NUCB2: variants seen among roughly 807,000 people sequenced by gnomAD.
The protein encoded by NUCB2 is nucleobindin-2.
Under a neutral mutation model 57.9 loss-of-function variants are expected in NUCB2, and 48 were observed. The observed-to-expected ratio is 0.83, with a 90% CI of 0.66 to 1.05. The LOEUF is 1.05. NUCB2 is among the 50% of genes least tolerant of loss of function. NUCB2 has a pLI of 0.00. For synonymous variants in NUCB2, 139 were observed against 152.1 expected (o/e 0.91, Z 0.64); for missense variants, 442 against 476.2 (o/e 0.93, Z 0.67).
downstream of NUCB2, chr11:17,332,436 C>A (rs957265868): frequency 6.6e-5 from 10 of 151,164 alleles, no homozygotes; most frequent in African/African-American, 2.4e-4. Flanking sequence ...GTTTGGTAGG[C>A]AACTTTGGAT....
intron 5 of NUCB2, among the ~76,000 whole-genome samples, chr11:17,306,911 CAA>C (rs200996662): frequency 2.4e-4 from 19 of 79,932 alleles, no homozygotes; most frequent in Admixed American, 3.0e-4. Flanking sequence ...GACTCCGTCT[CAA>C]AAAAAAAAAA....
At chr11:17,312,495 C>T (rs2138966540) in intron 10 of NUCB2, among the ~76,000 whole-genome samples, 1 of 152,026 alleles carries the variant, frequency 6.6e-6, no homozygotes, top group South Asian at 2.1e-4. Flanking sequence ...CCTCCGCCTC[C>T]CAGATTCAAG....
intron 11 of NUCB2, among the ~76,000 whole-genome samples, chr11:17,324,634 A>G (rs913044319): frequency 6.6e-6 from 1 of 151,898 alleles, no homozygotes; most frequent in African/African-American, 2.4e-5. Context: ...GGGTTTCACC[A>G]TGTTGGCCAG....
chr11:17,329,852 C>T (rs565695233), intron 11 of NUCB2, among the ~76,000 whole-genome samples: 14 of 152,176 alleles, frequency 9.2e-5, no homozygotes, highest in Non-Finnish European at 1.8e-4. Context: ...TTTTATTTCT[C>T]TTCCCACGTT....
intron 1 of NUCB2, among the ~76,000 whole-genome samples, chr11:17,278,964 G>A (rs921549374): frequency 3.9e-5 from 6 of 152,076 alleles, no homozygotes; most frequent in African/African-American, 7.2e-5. Flanking sequence ...AGGCTGAGGC[G>A]GGTGGATCAC....
intron 2 of NUCB2, among the ~76,000 whole-genome samples, chr11:17,284,805 A>G: frequency 6.6e-6 from 1 of 152,162 alleles, no homozygotes; most frequent in East Asian, 1.9e-4. Context: ...ATTAACAGAA[A>G]AGTATCATGC....
intron 13 of NUCB2, 44 bp from the exon 14 acceptor site, chr11:17,331,368 G>T: frequency 8.4e-7 from 1 of 1,187,070 alleles, no homozygotes; most frequent in Non-Finnish European, 1.2e-6. Flanking sequence ...TTAGAATAAA[G>T]GAAGATACTT....
chr11:17,326,507 C>T (rs1950707082), intron 11 of NUCB2, among the ~76,000 whole-genome samples: 2 of 150,536 alleles, frequency 1.3e-5, no homozygotes, highest in African/African-American at 4.9e-5. Flanking sequence ...TTAATAGAGA[C>T]AGGGTTTCTC....
intron 2 of NUCB2, among the ~76,000 whole-genome samples, chr11:17,288,180 G>C (rs1944114592): frequency 6.6e-6 from 1 of 152,168 alleles, no homozygotes; most frequent in Non-Finnish European, 1.5e-5. Context: ...ATTTCTTTAT[G>C]TGTGCATAAA....
downstream of NUCB2, among the ~76,000 whole-genome samples, chr11:17,336,687 G>A (rs1951829139): frequency 6.8e-6 from 1 of 146,342 alleles, no homozygotes. Context: ...CCGGGAGGCG[G>A]AGCTTGCAGT....
chr11:17,347,794 A>G (rs927944469), intron 2 of NUCB2, among the ~76,000 whole-genome samples: 3 of 152,234 alleles, frequency 2.0e-5, no homozygotes, highest in South Asian at 2.1e-4. Flanking sequence ...TTGAGAGTAC[A>G]GGTCATTTGT....
At chr11:17,322,818 G>A (rs1950192990) in intron 11 of NUCB2, among the ~76,000 whole-genome samples, 1 of 151,836 alleles carries the variant, frequency 6.6e-6, no homozygotes, top group African/African-American at 2.4e-5. Flanking sequence ...TAATTCCTAG[G>A]TATTTAATTT....
At chr11:17,337,021 G>T (rs1276919815), downstream of NUCB2, among the ~76,000 whole-genome samples, 4 of 151,590 alleles carry the variant, frequency 2.6e-5, no homozygotes, top group African/African-American at 7.3e-5. Context: ...ACTCACTATA[G>T]TCTCGAACTT....
chr11:17,298,537 T>A (rs1334646979), intron 4 of NUCB2, among the ~76,000 whole-genome samples: 3 of 151,688 alleles, frequency 2.0e-5, no homozygotes, highest in African/African-American at 7.3e-5. Context: ...GACTGTACTC[T>A]AGCCCGCATG....
intron 2 of NUCB2, among the ~76,000 whole-genome samples, chr11:17,348,544 T>G (rs1045649353): frequency 1.3e-5 from 2 of 151,970 alleles, no homozygotes; most frequent in African/African-American, 2.4e-5. Flanking sequence ...CTCACTATGT[T>G]GCCTAAGCTG....
At chr11:17,310,799 A>G (rs760259448) in intron 6 of NUCB2, 26 bp from the exon 7 acceptor site, 9 of 1,528,468 alleles carry the variant, frequency 5.9e-6, no homozygotes, top group Non-Finnish European at 7.9e-6. Context: ...GTTTTTATTT[A>G]ACTTAAATGC....
intron 2 of NUCB2, among the ~76,000 whole-genome samples, chr11:17,339,976 A>G (rs1431804316): frequency 1.3e-5 from 2 of 152,204 alleles, no homozygotes; most frequent in Non-Finnish European, 2.9e-5. Flanking sequence ...CCAACAGTGT[A>G]AAAGTGTTCC....
At chr11:17,316,442 A>G (rs1277731716) in intron 11 of NUCB2, among the ~76,000 whole-genome samples, 1 of 152,178 alleles carries the variant, frequency 6.6e-6, no homozygotes, top group African/African-American at 2.4e-5. Context: ...GCTGTAGCAT[A>G]ATTTATATAT....
intron 10 of NUCB2, among the ~76,000 whole-genome samples, chr11:17,314,167 A>G (rs774961264): frequency 5.9e-5 from 9 of 152,048 alleles, no homozygotes; most frequent in Non-Finnish European, 1.0e-4. Flanking sequence ...TGTCTGATCT[A>G]TCTTTCAAAC....
Sources: allele counts gnomAD v4.1 joint callset (sites outside exome capture counted in the v4.1 genomes callset), GRCh38; gene constraint gnomAD v4.1.1; transcripts MANE v1.5; gene names NCBI Gene and HGNC (gene_info 2026-07-23, HGNC 2026-07-21).